KIF13B: variants seen among roughly 807,000 people sequenced by gnomAD.
The protein encoded by KIF13B is kinesin-like protein KIF13B.
Under a neutral mutation model 222.0 loss-of-function variants are expected in KIF13B, and 127 were observed. That is an observed-to-expected ratio of 0.57 (90% CI 0.50 to 0.66). KIF13B has a LOEUF of 0.66. Among genes scored for constraint, KIF13B ranks in the 30% least tolerant of loss-of-function variants. The pLI is 0.00. For synonymous variants in KIF13B, 976 were observed against 919.0 expected (o/e 1.06, Z -1.12); for missense variants, 2,173 against 2,379.0 (o/e 0.91, Z 1.80).
chr8:29,147,642 CA>C (rs768673030), intron 16 of KIF13B, 40 bp from the exon 17 acceptor site: 2 of 1,422,126 alleles, frequency 1.4e-6, no homozygotes, highest in Admixed American at 3.5e-5. Flanking sequence ...TCGAGAGTTA[CA>C]ACATAATAAA....
At chr8:29,134,992 A>G (rs1016786879) in intron 21 of KIF13B, among the ~76,000 whole-genome samples, 5 of 152,210 alleles carry the variant, frequency 3.3e-5, no homozygotes, top group African/African-American at 1.2e-4. Flanking sequence ...AGAAATGCCT[A>G]TAACAGTTTC....
chr8:29,140,858 G>A (rs917539760), intron 19 of KIF13B: 4 of 379,408 alleles, frequency 1.1e-5, no homozygotes, highest in East Asian at 8.2e-5. Flanking sequence ...ATGACAGAGC[G>A]ATCCCAGTAA....
At chr8:29,215,773 G>GC (rs1814451162) in intron 2 of KIF13B, among the ~76,000 whole-genome samples, 1 of 152,218 alleles carries the variant, frequency 6.6e-6, no homozygotes, top group South Asian at 2.1e-4. Flanking sequence ...ATCTTTGAAT[G>GC]CTTGAAGGAC....
At chr8:29,180,033 T>G (rs1280517482) in intron 8 of KIF13B, 71 bp downstream of exon 8, 2 of 1,563,324 alleles carry the variant, frequency 1.3e-6, no homozygotes, top group East Asian at 2.2e-5. Flanking sequence ...ATCTAACACC[T>G]GAAGAGGAAA....
chr8:29,184,431 C>T (rs1396100487), intron 6 of KIF13B, among the ~76,000 whole-genome samples: 1 of 152,064 alleles, frequency 6.6e-6, no homozygotes, highest in Non-Finnish European at 1.5e-5. Context: ...TGTATCATCC[C>T]AGTCTATCTT....
At chr8:29,150,806 T>C (rs1194594859) in intron 14 of KIF13B, among the ~76,000 whole-genome samples, 1 of 152,170 alleles carries the variant, frequency 6.6e-6, no homozygotes, top group African/African-American at 2.4e-5. Context: ...TTAGTAAATG[T>C]AGTATGGGTT....
chr8:29,084,972 C>A (rs1233278189), intron 37 of KIF13B, among the ~76,000 whole-genome samples: 1 of 152,294 alleles, frequency 6.6e-6, no homozygotes, highest in East Asian at 1.9e-4. Flanking sequence ...AAATTGACTA[C>A]AAACAAAAAC....
At chr8:29,154,054 G>A (rs1473477323) in intron 14 of KIF13B, among the ~76,000 whole-genome samples, 3 of 152,204 alleles carry the variant, frequency 2.0e-5, no homozygotes, top group East Asian at 1.9e-4. Flanking sequence ...GTTTATGCCT[G>A]TAATCCAGCA....
chr8:29,147,293 TA>T, intron 17 of KIF13B, 98 bp downstream of exon 17: 1 of 850,182 alleles, frequency 1.2e-6, no homozygotes, highest in Non-Finnish European at 1.8e-6. Context: ...AATTCTTTTG[TA>T]AGCACCATCT....
chr8:29,085,439 A>G (rs1302864799), intron 37 of KIF13B, among the ~76,000 whole-genome samples: 1 of 152,228 alleles, frequency 6.6e-6, no homozygotes. Flanking sequence ...GACCCATTCT[A>G]TTCCTCAGTC....
chr8:29,222,567 G>T (rs1281611249), intron 2 of KIF13B, among the ~76,000 whole-genome samples: 3 of 106,558 alleles, frequency 2.8e-5, no homozygotes, highest in South Asian at 3.2e-4. Context: ...TAGAGACAGG[G>T]TGTCACTATA....
intron 26 of KIF13B, among the ~76,000 whole-genome samples, chr8:29,125,754 A>AC (rs1240636989): frequency 6.6e-6 from 1 of 152,016 alleles, no homozygotes; most frequent in Non-Finnish European, 1.5e-5. Context: ...AAGGAAAAAA[A>AC]AAAAAAGATT....
chr8:29,202,794 T>C (rs1813754882), intron 2 of KIF13B, among the ~76,000 whole-genome samples: 1 of 152,088 alleles, frequency 6.6e-6, no homozygotes, highest in African/African-American at 2.4e-5. Flanking sequence ...CCAACATCCC[T>C]ATCAGTGCCA....
At chr8:29,124,439 A>T (rs1452369419) in intron 26 of KIF13B, among the ~76,000 whole-genome samples, 1 of 152,192 alleles carries the variant, frequency 6.6e-6, no homozygotes, top group South Asian at 2.1e-4. Context: ...TAAAACCGAT[A>T]AACAGGACTC....
intron 21 of KIF13B, among the ~76,000 whole-genome samples, chr8:29,138,265 G>A (rs991904004): frequency 6.6e-6 from 1 of 152,126 alleles, no homozygotes; most frequent in Admixed American, 6.5e-5. Context: ...AACCCAGGAG[G>A]TGGAGGGTGC....
At chr8:29,154,443 G>T (rs187644459) in intron 14 of KIF13B, among the ~76,000 whole-genome samples, 342 of 152,240 alleles carry the variant, frequency 2.2e-3, no homozygotes, top group African/African-American at 7.8e-3. Flanking sequence ...AGAAACTGTT[G>T]TAAGATTTTG....
intron 2 of KIF13B, among the ~76,000 whole-genome samples, chr8:29,215,270 G>T (rs181191885): frequency 7.9e-4 from 121 of 152,246 alleles, no homozygotes; most frequent in African/African-American, 2.7e-3. Flanking sequence ...TAACAAACAA[G>T]CAAAATATGG....
intron 36 of KIF13B, among the ~76,000 whole-genome samples, chr8:29,093,902 T>C (rs1457596694): frequency 6.6e-6 from 1 of 151,334 alleles, no homozygotes; most frequent in Non-Finnish European, 1.5e-5. Flanking sequence ...AAAACAAGGA[T>C]GAGAAAAATA....
intron 2 of KIF13B, among the ~76,000 whole-genome samples, chr8:29,226,259 T>C (rs182760999): frequency 2.6e-4 from 40 of 152,282 alleles, no homozygotes; most frequent in Middle Eastern, 3.4e-3. Flanking sequence ...CTTACATGAC[T>C]GTCTGGCATG....
Sources: gnomAD v4.1 joint callset for allele counts (sites outside exome capture counted in the v4.1 genomes callset) on GRCh38, gnomAD v4.1.1 for gene constraint, MANE v1.5 for transcripts, NCBI Gene and HGNC (gene_info 2026-07-23, HGNC 2026-07-21) for gene names.